CATSPERB: variants seen among roughly 807,000 people sequenced by gnomAD.
CATSPERB encodes the protein catsper channel auxiliary subunit beta.
In CATSPERB, 93 loss-of-function variants were observed where a neutral mutation model predicts 128.3. The observed-to-expected ratio is 0.72, with a 90% CI of 0.61 to 0.86. CATSPERB has a LOEUF of 0.86. CATSPERB is among the 40% of genes least tolerant of loss of function. The pLI is 0.00. For synonymous variants in CATSPERB, 381 were observed against 448.8 expected (o/e 0.85, Z 1.91); for missense variants, 1,153 against 1,329.5 (o/e 0.87, Z 2.06).
At chr14:91,731,198 A>G (rs1896204575) in intron 1 of CATSPERB, among the ~76,000 whole-genome samples, 1 of 152,162 alleles carries the variant, frequency 6.6e-6, no homozygotes. Context: ...CACGTGGTGG[A>G]AATTCTGGTT....
At chr14:91,702,397 G>A (rs1013448446) in intron 7 of CATSPERB, among the ~76,000 whole-genome samples, 1 of 150,518 alleles carries the variant, frequency 6.6e-6, no homozygotes, top group African/African-American at 2.4e-5. Flanking sequence ...CAAAAACCGC[G>A]ATTACTTTTG....
intron 6 of CATSPERB, among the ~76,000 whole-genome samples, chr14:91,707,648 G>GAAT (rs968199418): frequency 8.1e-6 from 1 of 123,208 alleles, no homozygotes; most frequent in African/African-American, 3.1e-5. Context: ...GCCCAGGCTG[G>GAAT]AATACAATGG....
intron 13 of CATSPERB, among the ~76,000 whole-genome samples, chr14:91,670,378 C>G (rs145083717): frequency 6.6e-6 from 1 of 152,102 alleles, no homozygotes; most frequent in Non-Finnish European, 1.5e-5. Context: ...TCAGGCCAGG[C>G]GCAGTCTTCA....
intron 23 of CATSPERB, among the ~76,000 whole-genome samples, chr14:91,590,814 C>A (rs1009701576): frequency 5.9e-5 from 9 of 151,798 alleles, no homozygotes; most frequent in Admixed American, 2.6e-4. Context: ...CCACGCCCGG[C>A]TAATTTTTTT....
intron 4 of CATSPERB, 98 bp downstream of exon 4, chr14:91,722,948 GTAA>G: frequency 1.1e-6 from 1 of 880,520 alleles, no homozygotes; most frequent in Non-Finnish European, 1.6e-6. Flanking sequence ...ATACATAGAT[GTAA>G]TATTACTCAG....
At chr14:91,731,715 T>C (rs898248236) in intron 1 of CATSPERB, among the ~76,000 whole-genome samples, 5 of 152,202 alleles carry the variant, frequency 3.3e-5, no homozygotes, top group African/African-American at 1.2e-4. Flanking sequence ...TTTGTAATTA[T>C]TATAAGTTTT....
chr14:91,586,632 C>T (rs976900530), intron 26 of CATSPERB, among the ~76,000 whole-genome samples: 3 of 151,632 alleles, frequency 2.0e-5, no homozygotes, highest in African/African-American at 7.3e-5. Context: ...GACAATGACT[C>T]ATTAATTGAT....
Position 91,725,137 on chromosome 14 carries a change from G to C in CATSPERB, c.111C>G (p.Asn37Lys). The part of the protein sequence containing the change: ...DDTEKRFACS[N>K]KGFPQENEII... ...TTTCATTCTCTTGAGGGAACCCTTT[G>C]TTAGAACATGCAAAGCGTTTCTCTG... Residue 37 changes from asparagine to lysine, a missense_variant, in exon 3 of 27, where the codon AAC becomes AAG. Asn to Lys is a moderately conservative substitution (Grantham distance 94). Transcript: ENST00000256343. 2 of 1,575,708 alleles carry C rather than the reference G, an allele frequency of 1.3e-6. No homozygotes were observed. The highest frequency in any genetic ancestry group is 1.2e-5 in the South Asian group (1 of 83,340).
intron 14 of CATSPERB, among the ~76,000 whole-genome samples, chr14:91,668,433 G>T (rs1895027045): frequency 6.6e-6 from 1 of 151,988 alleles, no homozygotes. Flanking sequence ...CTGTAAAATG[G>T]ACCAATCAGC....
chr14:91,585,063 C>T (rs1248088082), intron 26 of CATSPERB, among the ~76,000 whole-genome samples: 7 of 151,820 alleles, frequency 4.6e-5, no homozygotes, highest in Admixed American at 3.3e-4. Context: ...GTCACCCAGA[C>T]TGGAGTGCAG....
intron 23 of CATSPERB, among the ~76,000 whole-genome samples, chr14:91,591,536 CAAAGTT>C (rs1225155451): frequency 6.6e-6 from 1 of 151,418 alleles, no homozygotes; most frequent in African/African-American, 2.4e-5. Context: ...ACTAGATACT[CAAAGTT>C]ATTTTAAATG....
At chr14:91,667,581 C>T (rs1432803446) in intron 14 of CATSPERB, among the ~76,000 whole-genome samples, 1 of 152,156 alleles carries the variant, frequency 6.6e-6, no homozygotes, top group Non-Finnish European at 1.5e-5. Flanking sequence ...GACAAGTCTG[C>T]AAGAAATAAT....
intron 17 of CATSPERB, 70 bp from the exon 18 acceptor site, chr14:91,625,077 A>G (rs1876002067): frequency 2.3e-6 from 2 of 887,428 alleles, no homozygotes; most frequent in Non-Finnish European, 3.3e-6. Flanking sequence ...TTATGAACAA[A>G]TAATTTACAA....
At chr14:91,582,449 G>C (rs954733444) in intron 26 of CATSPERB, among the ~76,000 whole-genome samples, 8 of 152,226 alleles carry the variant, frequency 5.3e-5, no homozygotes, top group African/African-American at 1.9e-4. Flanking sequence ...TGCCTAGGCA[G>C]ATAGGGGTGG....
At chr14:91,698,136 G>A (rs1446855978) in intron 7 of CATSPERB, among the ~76,000 whole-genome samples, 2 of 151,986 alleles carry the variant, frequency 1.3e-5, no homozygotes, top group East Asian at 3.9e-4. Context: ...TGTGGTGGGG[G>A]GTATTGTAAA....
chr14:91,616,142 A>C (rs1262312916), intron 20 of CATSPERB, among the ~76,000 whole-genome samples: 1 of 152,120 alleles, frequency 6.6e-6, no homozygotes, highest in Non-Finnish European at 1.5e-5. Context: ...TGGCCTCCCA[A>C]AGTGCTGGGA....
At chr14:91,719,597 C>A in intron 4 of CATSPERB, 119 bp from the exon 5 acceptor site, 1 of 641,406 alleles carries the variant, frequency 1.6e-6, no homozygotes, top group Non-Finnish European at 2.5e-6. Context: ...ATACCTTTTA[C>A]CTAGAAATTT....
intron 5 of CATSPERB, among the ~76,000 whole-genome samples, chr14:91,716,836 G>A (rs901365671): frequency 1.2e-4 from 18 of 151,862 alleles, no homozygotes; most frequent in Admixed American, 4.6e-4. Context: ...TTGGGAAATC[G>A]TTTGACAGTT....
At position 91,660,052 on chromosome 14, in the gene CATSPERB, A is replaced by T. The variant is rs574599116; in HGVS notation, c.1288-71T>A. Reference sequence around the variant, plus strand: ...ACAGTTGGCAGTTACCTATCAGCCTACATGAGAATAGCCATGTGGCATGAT... The same window carrying T: ...ACAGTTGGCAGTTACCTATCAGCCTTCATGAGAATAGCCATGTGGCATGAT... On this transcript the variant is annotated intron_variant, in intron 14 of 26. Coordinates refer to ENST00000256343, the MANE Select transcript of CATSPERB (RefSeq NM_024764.4). 24 of 1,378,264 alleles carry T rather than the reference A, an allele frequency of 1.7e-5. No individual in the cohort carries two copies. The East Asian group carries it at 5.5e-4, about 32-fold the overall frequency. 85.4% of individuals were successfully genotyped at this position (1,378,264 alleles called of 1,614,324 possible). A position where few individuals can be genotyped will look rare whatever the true frequency, so the allele number is the denominator to read the frequency against.
Sources: gnomAD v4.1 joint callset for allele counts (sites outside exome capture counted in the v4.1 genomes callset) on GRCh38, gnomAD v4.1.1 for gene constraint, MANE v1.5 for transcripts, NCBI Gene and HGNC (gene_info 2026-07-23, HGNC 2026-07-21) for gene names.